RIMKLB: variants seen among roughly 807,000 people sequenced by gnomAD.
The protein encoded by RIMKLB is ribosomal modification protein rimK like family member B.
A neutral mutation model predicts 32.0 loss-of-function variants in RIMKLB; 7 were observed. The ratio of observed to expected loss-of-function variants is 0.22; its 90% confidence interval spans 0.12 to 0.41. The LOEUF is 0.41. Ranked by LOEUF, RIMKLB falls within the 10% of genes least tolerant of loss-of-function variation. The pLI is 1.00. For missense variants in RIMKLB, 289 were observed against 498.7 expected, an observed-to-expected ratio of 0.58 and a Z score of 4.00; for synonymous variants, 172 against 185.1, an observed-to-expected ratio of 0.93 and a Z score of 0.57.
At position 8,749,987 on chromosome 12, in the gene RIMKLB, C is replaced by T; in HGVS notation, c.301C>T (p.Arg101Trp). The T allele has an allele frequency of 6.2e-7, 1 of 1,614,016 alleles. No individual in the cohort carries two copies. The highest frequency in any genetic ancestry group is 2.2e-5 in the East Asian group (1 of 44,872). ...VLRHLEKMGCRLMNRPQAILN... is the reference protein window; with the variant it reads ...VLRHLEKMGCWLMNRPQAILN... Reference sequence around the variant, plus strand: ...GCGCCATCTAGAGAAGATGGGATGTCGGTTAATGAACCGACCTCAAGCCAT... The same window carrying T: ...GCGCCATCTAGAGAAGATGGGATGTTGGTTAATGAACCGACCTCAAGCCAT... Residue 101 changes from arginine (R) to tryptophan (W), a missense_variant, in exon 3 of 6, where the codon CGG becomes TGG. Arg to Trp is a moderately radical substitution (Grantham distance 101). Transcript: ENST00000535829.
chr12:8,711,610 C>T (rs1944385629), intron 1 of RIMKLB, among the ~76,000 whole-genome samples: 1 of 152,068 alleles, frequency 6.6e-6, no homozygotes, highest in East Asian at 1.9e-4. Flanking sequence ...TGCTGGTGCG[C>T]TGCACCCACT....
chr12:8,758,538 CA>C (rs1472832898), intron 5 of RIMKLB, among the ~76,000 whole-genome samples: 2 of 152,038 alleles, frequency 1.3e-5, no homozygotes, highest in Admixed American at 6.6e-5. Context: ...TTTTGATGGA[CA>C]AAAATTGTCC....
upstream of RIMKLB, among the ~76,000 whole-genome samples, chr12:8,693,661 A>G (rs1222143817): frequency 1.3e-5 from 2 of 151,898 alleles, no homozygotes; most frequent in African/African-American, 4.8e-5. Context: ...GCCTCCCAAA[A>G]TGCTGGGATT....
chr12:8,699,810 G>A (rs772869813), intron 1 of RIMKLB: 25 of 152,164 alleles, frequency 1.6e-4, no homozygotes, highest in Admixed American at 6.5e-5. Context: ...TGTCAGGGAG[G>A]GGGGCAGTCT....
At chr12:8,705,868 C>G (rs190405502) in intron 1 of RIMKLB, among the ~76,000 whole-genome samples, 234 of 152,240 alleles carry the variant, frequency 1.5e-3, no homozygotes, top group African/African-American at 5.4e-3. Flanking sequence ...AGTCCTGAGT[C>G]TTGAGGAAGA....
chr12:8,761,749 C>T (rs150904168), intron 5 of RIMKLB, among the ~76,000 whole-genome samples: 325 of 152,230 alleles, frequency 2.1e-3, no homozygotes, highest in African/African-American at 7.6e-3. Context: ...GTCAGTCCCC[C>T]CTCTCAACAG....
chr12:8,752,875 G>C (rs1948734024), intron 4 of RIMKLB, among the ~76,000 whole-genome samples: 1 of 151,972 alleles, frequency 6.6e-6, no homozygotes, highest in Admixed American at 6.6e-5. Context: ...CAAGTAGCTG[G>C]AATTACAGGC....
chr12:8,677,658 G>A (rs1466276385), upstream of RIMKLB, among the ~76,000 whole-genome samples: 5 of 152,032 alleles, frequency 3.3e-5, no homozygotes, highest in East Asian at 3.9e-4. Context: ...GGATGCGGAC[G>A]AAACTCCTTA....
Position 8,776,008 on chromosome 12 carries a change from G to T in RIMKLB, c.*2224G>T. 2.0e-6 allele frequency: 2 copies of T among 984,490 alleles called. No individual in the cohort carries two copies. Among genetic ancestry groups the T allele is most frequent in the African/African-American group, 1.7e-5 (1 of 57,328 alleles). The allele number at this position is 984,490 out of a possible 1,614,324, so 61.0% of individuals were successfully genotyped here. ...TATAGAGAAATAAATGAGGAAGAAA[G>T]AACTGCTTAATTAAATTATCATTCA... On this transcript the variant is annotated 3_prime_UTR_variant, in exon 6 of 6. Transcript: ENST00000535829.
intron 1 of RIMKLB, among the ~76,000 whole-genome samples, chr12:8,690,212 CTT>C (rs1229940554): frequency 1.3e-5 from 2 of 152,080 alleles, no homozygotes; most frequent in African/African-American, 4.8e-5. Flanking sequence ...CCATTTATGA[CTT>C]AAATGGAGTT....
chr12:8,679,381 G>A (rs1055077734), upstream of RIMKLB: 7 of 152,204 alleles, frequency 4.6e-5, no homozygotes, highest in African/African-American at 1.7e-4. Context: ...AGTAGAGATG[G>A]GGTTTCACCA....
intron 5 of RIMKLB, among the ~76,000 whole-genome samples, chr12:8,754,675 C>G (rs1376971980): frequency 2.0e-5 from 3 of 152,156 alleles, no homozygotes; most frequent in Non-Finnish European, 4.4e-5. Flanking sequence ...CCTGCTCCAC[C>G]TCCAGGTTTA....
downstream of RIMKLB, chr12:8,777,250 AAAAC>A (rs1950791233): frequency 1.0e-6 from 1 of 967,908 alleles, no homozygotes; most frequent in African/African-American, 1.8e-5. Flanking sequence ...TCTTCTTAAA[AAAAC>A]AAAACAAAGT....
chr12:8,698,701 TC>T (rs1229021769), intron 1 of RIMKLB, among the ~76,000 whole-genome samples: 2 of 127,310 alleles, frequency 1.6e-5, no homozygotes, highest in East Asian at 2.0e-4. Flanking sequence ...GCGGCGACAC[TC>T]CCCCTCCCCC....
chr12:8,743,518 C>G (rs1361127895), intron 2 of RIMKLB, among the ~76,000 whole-genome samples: 1 of 142,262 alleles, frequency 7.0e-6, no homozygotes, highest in East Asian at 1.9e-4. Flanking sequence ...AAGAGTATAG[C>G]CAAACTGTCC....
In RIMKLB at chr12:8,774,017, G is replaced by A; in HGVS notation, c.*233G>A. ...ATAGGTGGGGTATAGAAAAATGTCA[G>A]GCTCTCATAGTTACCCTTTTAAATT... On this transcript the variant is annotated 3_prime_UTR_variant, in exon 6 of 6. Transcript: ENST00000535829. The A allele has an allele frequency of 7.6e-7, 1 of 1,324,118 alleles. No homozygotes were observed. Among genetic ancestry groups the A allele is most frequent in the Non-Finnish European group, 9.6e-7 (1 of 1,039,978 alleles). 82.0% of individuals were successfully genotyped at this position (1,324,118 alleles called of 1,614,324 possible).
chr12:8,694,555 G>A (rs1230113911), upstream of RIMKLB, among the ~76,000 whole-genome samples: 1 of 151,794 alleles, frequency 6.6e-6, no homozygotes. Context: ...CACCACGCCC[G>A]GCTAATTTTT....
chr12:8,754,990 C>T (rs1257966537), intron 5 of RIMKLB, among the ~76,000 whole-genome samples: 1 of 152,138 alleles, frequency 6.6e-6, no homozygotes, highest in Non-Finnish European at 1.5e-5. Context: ...CTCACTCTGT[C>T]ACCCAGGCTG....
intron 3 of RIMKLB, among the ~76,000 whole-genome samples, chr12:8,751,606 T>C (rs1948625820): frequency 6.6e-6 from 1 of 152,144 alleles, no homozygotes; most frequent in Admixed American, 6.6e-5. Flanking sequence ...AGTTCCTTAA[T>C]CCAAGCAGGG....
Sources: gnomAD v4.1 joint callset for allele counts (sites outside exome capture counted in the v4.1 genomes callset) on GRCh38, gnomAD v4.1.1 for gene constraint, MANE v1.5 for transcripts, NCBI Gene and HGNC (gene_info 2026-07-23, HGNC 2026-07-21) for gene names.